The following MAP2K6 variants were observed in gnomAD, a reference collection of about 807,000 sequenced individuals.
MAP2K6 encodes the protein dual specificity mitogen-activated protein kinase kinase 6.
In MAP2K6, 16 loss-of-function variants were observed where a neutral mutation model predicts 53.7. That is an observed-to-expected ratio of 0.30 (90% CI 0.20 to 0.45). MAP2K6 has a LOEUF of 0.45. Ranked by LOEUF, MAP2K6 falls within the 20% of genes least tolerant of loss-of-function variation. The pLI is 1.00. For missense variants in MAP2K6, 204 were observed against 411.9 expected (o/e 0.50, Z 4.37); for synonymous variants, 132 against 143.1 (o/e 0.92, Z 0.55).
intron 7 of MAP2K6, among the ~76,000 whole-genome samples, 152 bp from the exon 8 acceptor site, chr17:69,523,360 TAA>T (rs984174813): frequency 4.6e-5 from 7 of 152,238 alleles, no homozygotes; most frequent in Non-Finnish European, 1.0e-4. Flanking sequence ...AAGCTGTTGT[TAA>T]CTGTGGGTCA....
chr17:69,525,893 A>G (rs1387206924), intron 9 of MAP2K6, among the ~76,000 whole-genome samples: 1 of 152,226 alleles, frequency 6.6e-6, no homozygotes, highest in Non-Finnish European at 1.5e-5. Flanking sequence ...CCCTAAAGTT[A>G]TATGATTTAT....
intron 1 of MAP2K6, among the ~76,000 whole-genome samples, chr17:69,458,576 C>T (rs1482063749): frequency 2.0e-5 from 3 of 152,184 alleles, no homozygotes; most frequent in Non-Finnish European, 4.4e-5. Context: ...AGTGTTAACT[C>T]TGTTGTGGTC....
At chr17:69,481,710 C>A (rs1462628529) in intron 1 of MAP2K6, among the ~76,000 whole-genome samples, 2 of 152,030 alleles carry the variant, frequency 1.3e-5, no homozygotes, top group African/African-American at 4.8e-5. Flanking sequence ...GTGTCCATGT[C>A]CAAATTTCCT....
chr17:69,455,361 G>A (rs1353217453), intron 1 of MAP2K6, among the ~76,000 whole-genome samples: 2 of 152,108 alleles, frequency 1.3e-5, no homozygotes, highest in African/African-American at 4.8e-5. Flanking sequence ...TGCAATTCCT[G>A]ATTACCTGAC....
chr17:69,458,283 C>T (rs535310068), intron 1 of MAP2K6, among the ~76,000 whole-genome samples: 14 of 152,272 alleles, frequency 9.2e-5, no homozygotes, highest in African/African-American at 2.9e-4. Context: ...AAACTCCTGT[C>T]CTCAAGTGAT....
chr17:69,479,888 G>T (rs939479013), intron 1 of MAP2K6, among the ~76,000 whole-genome samples: 2 of 151,880 alleles, frequency 1.3e-5, no homozygotes, highest in East Asian at 3.9e-4. Flanking sequence ...GCACACCACC[G>T]TGCCTGGCTA....
chr17:69,459,254 G>T (rs11653115), intron 1 of MAP2K6, among the ~76,000 whole-genome samples: 36,580 of 151,870 alleles, frequency 0.24, 4,590 homozygotes, highest in Middle Eastern at 0.29. Flanking sequence ...TACTTTTCTT[G>T]TGATGGTTAA....
intron 10 of MAP2K6, among the ~76,000 whole-genome samples, chr17:69,535,306 T>TG (rs1427765411): frequency 1.3e-5 from 2 of 152,166 alleles, no homozygotes; most frequent in African/African-American, 2.4e-5. Flanking sequence ...AGAAATGTTA[T>TG]GGGGGGTTGG....
chr17:69,430,329 CTG>C (rs144120982), intron 1 of MAP2K6, among the ~76,000 whole-genome samples: 97 of 151,996 alleles, frequency 6.4e-4, no homozygotes, highest in African/African-American at 2.3e-3. Context: ...GAGCAAGACT[CTG>C]TCAAAAAGAG....
rs1455327405 is a variant in MAP2K6 at position 69,516,893 on chromosome 17, T to C, written c.122T>C (p.Ile41Thr). The change falls in exon 3 of 12, where the codon ATT becomes ACT. Residue 41 changes from isoleucine to threonine, a missense_variant. Physicochemically the swap from Ile to Thr is moderately conservative, Grantham distance 89 (BLOSUM62 -1). Transcript: ENST00000590474. ...RDLDSKACIS[I>T]GNQNFEVKAD... ...TTAGACTCCAAGGCTTGCATTTCTA[T>C]TGGAAATCAGGTAAGAAAAAATCAT... 1 of 1,595,682 alleles carries C rather than the reference T, an allele frequency of 6.3e-7. No homozygotes were observed. Among genetic ancestry groups the C allele is most frequent in the Non-Finnish European group, 8.6e-7 (1 of 1,164,160 alleles).
chr17:69,460,043 A>G (rs900280436), intron 1 of MAP2K6, among the ~76,000 whole-genome samples: 2 of 127,638 alleles, frequency 1.6e-5, no homozygotes, highest in African/African-American at 3.0e-5. Flanking sequence ...TCCTCCCTTC[A>G]TCTTTTTCTT....
At chr17:69,459,788 A>T (rs188732847) in intron 1 of MAP2K6, among the ~76,000 whole-genome samples, 1 of 148,766 alleles carries the variant, frequency 6.7e-6, no homozygotes, top group African/African-American at 2.5e-5. Flanking sequence ...TGTCTTTCTT[A>T]AAAAAAAAAT....
chr17:69,496,311 T>C (rs1034552603), intron 1 of MAP2K6, among the ~76,000 whole-genome samples: 6 of 149,748 alleles, frequency 4.0e-5, no homozygotes, highest in Non-Finnish European at 7.4e-5. Flanking sequence ...TTGCTCTGTC[T>C]CCCAGGCTGG....
intron 6 of MAP2K6, 92 bp from the exon 7 acceptor site, chr17:69,520,957 C>T (rs1910434308): frequency 2.0e-6 from 2 of 1,014,092 alleles, no homozygotes; most frequent in African/African-American, 1.6e-5. Flanking sequence ...CACTGGTAAC[C>T]TAAAGCCAAG....
chr17:69,535,835 GA>G (rs1911325555), intron 10 of MAP2K6, among the ~76,000 whole-genome samples: 1 of 151,378 alleles, frequency 6.6e-6, no homozygotes, highest in East Asian at 1.9e-4. Flanking sequence ...CTATAGATCA[GA>G]AAAATTAGTG....
chr17:69,484,253 T>TA (rs1426799372), intron 1 of MAP2K6, among the ~76,000 whole-genome samples: 1 of 152,022 alleles, frequency 6.6e-6, no homozygotes, highest in Non-Finnish European at 1.5e-5. Context: ...AAAAGATAAC[T>TA]AAAAAAATGA....
intron 11 of MAP2K6, among the ~76,000 whole-genome samples, chr17:69,539,085 G>T (rs2144868694): frequency 6.6e-6 from 1 of 152,280 alleles, no homozygotes; most frequent in Non-Finnish European, 1.5e-5. Flanking sequence ...TCAAGTGATT[G>T]CCCAGTGAAA....
At chr17:69,497,982 T>C (rs1438854779) in intron 1 of MAP2K6, among the ~76,000 whole-genome samples, 8 of 151,972 alleles carry the variant, frequency 5.3e-5, no homozygotes. Context: ...GCTTCTTCTC[T>C]CCTGCTTTCA....
At chr17:69,506,410 T>A (rs1435943182) in intron 2 of MAP2K6, among the ~76,000 whole-genome samples, 4 of 53,904 alleles carry the variant, frequency 7.4e-5, no homozygotes, top group African/African-American at 2.4e-4. Flanking sequence ...TCCTTCTTGT[T>A]TTTTTTTTTT....
Sources: allele counts gnomAD v4.1 joint callset (sites outside exome capture counted in the v4.1 genomes callset), GRCh38; gene constraint gnomAD v4.1.1; transcripts MANE v1.5; gene names NCBI Gene and HGNC (gene_info 2026-07-23, HGNC 2026-07-21).